The following CMIP variants were observed in gnomAD, a reference collection of about 807,000 sequenced individuals.
The protein encoded by CMIP is c-Maf inducing protein.
A neutral mutation model predicts 97.3 loss-of-function variants in CMIP; 13 were observed. That is an observed-to-expected ratio of 0.13 (90% CI 0.09 to 0.21). The LOEUF is 0.21. Among genes scored for constraint, CMIP ranks in the 10% least tolerant of loss-of-function variants. The probability of loss-of-function intolerance (pLI) is 1.00; values close to 1 mark genes in which losing one functional copy is unlikely to be tolerated. For missense variants in CMIP, 847 were observed against 1,024.9 expected (o/e 0.83, Z 2.37); for synonymous variants, 538 against 436.3 (o/e 1.23, Z -2.91).
chr16:81,498,431 A>T (rs1008702002), intron 1 of CMIP, among the ~76,000 whole-genome samples: 6 of 152,062 alleles, frequency 3.9e-5, no homozygotes, highest in African/African-American at 1.4e-4. Context: ...TCACCTCTGC[A>T]CCGAGTCCCC....
chr16:81,517,429 T>C (rs2089938327), intron 1 of CMIP, among the ~76,000 whole-genome samples: 1 of 152,248 alleles, frequency 6.6e-6, no homozygotes, highest in Non-Finnish European at 1.5e-5. Context: ...CATGTTATTG[T>C]CTAAGACTCA....
chr16:81,475,653 C>T (rs574818062), intron 1 of CMIP, among the ~76,000 whole-genome samples: 1 of 152,198 alleles, frequency 6.6e-6, no homozygotes, highest in Non-Finnish European at 1.5e-5. Context: ...CAGAGGGGTG[C>T]TCTCCTGAGC....
At chr16:81,637,780 T>G (rs2092255042) in intron 3 of CMIP, among the ~76,000 whole-genome samples, 1 of 128,372 alleles carries the variant, frequency 7.8e-6, no homozygotes, top group South Asian at 2.5e-4. Flanking sequence ...AGCATGGGGC[T>G]GGGACCTGCC....
At chr16:81,696,982 C>G in intron 14 of CMIP, 1 of 407,306 alleles carries the variant, frequency 2.5e-6, no homozygotes, top group South Asian at 2.9e-5. Flanking sequence ...GCCGTTACTG[C>G]CTAAGGTCAC....
At chr16:81,667,799 A>AGGGTGTGT in intron 7 of CMIP, among the ~76,000 whole-genome samples, 2 of 58,096 alleles carry the variant, frequency 3.4e-5, no homozygotes, top group East Asian at 6.6e-4. Flanking sequence ...AGAGAGAGAG[A>AGGGTGTGT]GTGTGTGTGT....
Position 81,655,419 on chromosome 16 carries a change from C to T in CMIP, c.640-2356C>T, listed in dbSNP as rs537672360. On this transcript the variant is annotated intron_variant, in intron 4 of 20. Transcript: ENST00000537098. This position sits in a 1 kb window ranked among gnomAD's most constrained non-coding sequence, Gnocchi z 4.9. Reference sequence around the variant, plus strand: ...CCGTCCACCAGCAAAGCAAAGCTGGCTGTCCCCACCCTCCCAGGCCTTTGT... The same window carrying T: ...CCGTCCACCAGCAAAGCAAAGCTGGTTGTCCCCACCCTCCCAGGCCTTTGT... 1.8e-4 allele frequency among the ~76,000 whole-genome samples: 28 copies of T among 152,320 alleles called. No individual in the cohort carries two copies. In the East Asian group the frequency reaches 4.6e-3, roughly 25 times the overall value.
intron 1 of CMIP, among the ~76,000 whole-genome samples, chr16:81,537,787 G>T (rs149835635): frequency 6.6e-6 from 1 of 152,334 alleles, no homozygotes; most frequent in African/African-American, 2.4e-5. Flanking sequence ...GATTTCAGGA[G>T]CCTCCCGCTT....
chr16:81,572,339 C>T (rs979164593), intron 1 of CMIP, among the ~76,000 whole-genome samples: 3 of 152,196 alleles, frequency 2.0e-5, no homozygotes, highest in African/African-American at 4.8e-5. Context: ...TGAATGAACG[C>T]GGTCGCTCTT....
chr16:81,645,603 C>T (rs950124841), intron 3 of CMIP: 18 of 1,535,824 alleles, frequency 1.2e-5, no homozygotes, highest in Middle Eastern at 3.3e-4. Flanking sequence ...GCCCAGGTAA[C>T]GTCCCTTCCT....
chr16:81,511,171 T>G (rs557749174), intron 1 of CMIP, among the ~76,000 whole-genome samples: 1 of 152,334 alleles, frequency 6.6e-6, no homozygotes, highest in African/African-American at 2.4e-5. Flanking sequence ...AGCCACTGTT[T>G]AGATGCAAAT....
intron 1 of CMIP, among the ~76,000 whole-genome samples, chr16:81,505,483 C>T (rs2089691721): frequency 6.6e-6 from 1 of 152,242 alleles, no homozygotes; most frequent in Admixed American, 6.5e-5. Flanking sequence ...CCCAGAGCCT[C>T]AGCTGGGACC....
chr16:81,453,534 C>T lies in CMIP; in HGVS notation c.300+7993C>T, dbSNP rs565295401. ...ACAGTCTGAGCAGACCCAGGCCTGG[C>T]TCTCCTCCCTCGCATGTTGGCTCCC... On this transcript the variant is annotated intron_variant, in intron 1 of 20. Coordinates refer to ENST00000537098, the MANE Select transcript of CMIP (RefSeq NM_198390.3). The surrounding 1 kb of genome is among the most constrained non-coding windows in gnomAD (Gnocchi z 4.0). 2.0e-5 allele frequency among the ~76,000 whole-genome samples: 3 copies of T among 152,318 alleles called. No individual in the cohort carries two copies. Among genetic ancestry groups the T allele is most frequent in the Non-Finnish European group, 2.9e-5 (2 of 68,014 alleles).
rs59971597 is a variant in CMIP at position 81,471,578 on chromosome 16, TACAC to T, written c.300+26049_300+26052del. Among the ~76,000 whole-genome samples the T allele has an allele frequency of 1.9e-3, 291 of 151,586 alleles. 1 individual carries two copies. The highest frequency in any genetic ancestry group is 3.2e-3 in the Non-Finnish European group (217 of 67,790). On this transcript the variant is annotated intron_variant, in intron 1 of 20. Transcript: ENST00000537098. ...GTGCACACACACATGCATACACAAA[TACAC>T]ACACACACACAGTTATACAGTAGTC...
chr16:81,610,618 C>A (rs916264167), intron 2 of CMIP: 2 of 821,690 alleles, frequency 2.4e-6, no homozygotes, highest in Non-Finnish European at 2.9e-6. Context: ...AGACCTGGAT[C>A]GGCTTCTCCC....
At chr16:81,501,642 C>T (rs1033677149) in intron 1 of CMIP, among the ~76,000 whole-genome samples, 9 of 148,180 alleles carry the variant, frequency 6.1e-5, no homozygotes, top group South Asian at 4.3e-4. Flanking sequence ...GACGGTGTCT[C>T]GCTCTGTCGC....
Position 81,445,552 on chromosome 16 carries a change from C to A in CMIP, c.300+11C>A, listed in dbSNP as rs961138014. 6.5e-7 allele frequency: 1 copy of A among 1,536,430 alleles called. No homozygotes were observed. ...CTGGCGTCCGCCACGGTGAGTGGCT[C>A]TGCGCGGCTGCACCCCCGCCTCTCC... On this transcript the variant is annotated intron_variant, in intron 1 of 20. Coordinates refer to ENST00000537098, the MANE Select transcript of CMIP (RefSeq NM_198390.3).
chr16:81,693,402 A>T (rs1213417252), intron 12 of CMIP, 37 bp from the exon 13 acceptor site: 1 of 1,599,266 alleles, frequency 6.3e-7, no homozygotes, highest in Non-Finnish European at 8.5e-7. Flanking sequence ...TCAGTTCCAG[A>T]CCCCGGCAGT....
At chr16:81,693,563 C>T in intron 13 of CMIP, 76 bp downstream of exon 13, 1 of 1,483,776 alleles carries the variant, frequency 6.7e-7, no homozygotes, top group Non-Finnish European at 9.1e-7. Context: ...TAGAGGCCTT[C>T]TGAAGCTTGT....
At chr16:81,588,924 G>T (rs2091425069) in intron 1 of CMIP, among the ~76,000 whole-genome samples, 1 of 152,094 alleles carries the variant, frequency 6.6e-6, no homozygotes, top group South Asian at 2.1e-4. Context: ...TGGCTCTCTA[G>T]CTGGGAGTCT....
Sources: allele counts gnomAD v4.1 joint callset (sites outside exome capture counted in the v4.1 genomes callset), GRCh38; gene constraint gnomAD v4.1.1; non-coding constraint Gnocchi (gnomAD v3.1); transcripts MANE v1.5; gene names NCBI Gene and HGNC (gene_info 2026-07-23, HGNC 2026-07-21).